Variants in HTR2C observed in about 807,000 individuals in gnomAD.
HTR2C encodes the protein 5-hydroxytryptamine receptor 2C.
In HTR2C, 5 loss-of-function variants were observed where a neutral mutation model predicts 21.0. That is an observed-to-expected ratio of 0.24 (90% confidence interval 0.12 to 0.50). The LOEUF is 0.50. HTR2C is among the 20% of genes least tolerant of loss of function. The pLI is 0.98. For synonymous variants in HTR2C, 150 were observed against 145.3 expected, an observed-to-expected ratio of 1.03 and a Z score of -0.23; for missense variants, 271 against 371.2, an observed-to-expected ratio of 0.73 and a Z score of 2.22.
chrX:114,698,036 C>T (rs952349975), intron 2 of HTR2C, among the ~76,000 whole-genome samples: 5 of 111,766 alleles, frequency 4.5e-5, no homozygotes, highest in African/African-American at 1.3e-4. Flanking sequence ...GACTGAGGTC[C>T]CTGCTTCCTT....
intron 4 of HTR2C, among the ~76,000 whole-genome samples, chrX:114,822,317 A>G (rs944533871): frequency 8.9e-6 from 1 of 112,014 alleles, no homozygotes; most frequent in Non-Finnish European, 1.9e-5. Flanking sequence ...CAGAAAATCT[A>G]GAGTCATAAA....
chrX:114,844,325 T>A (rs2070857984), intron 4 of HTR2C, among the ~76,000 whole-genome samples: 1 of 111,353 alleles, frequency 9.0e-6, no homozygotes, highest in Admixed American at 9.5e-5. Flanking sequence ...GGAAGAAAGA[T>A]TATAATTGTA....
chrX:114,821,613 C>A (rs1196212785), intron 4 of HTR2C, among the ~76,000 whole-genome samples: 1 of 111,044 alleles, frequency 9.0e-6, no homozygotes, highest in African/African-American at 3.3e-5. Context: ...ATTACTTGGC[C>A]ATGAATAAGC....
At chrX:114,901,922 G>A (rs1171405795) in intron 5 of HTR2C, among the ~76,000 whole-genome samples, 3 of 111,020 alleles carry the variant, frequency 2.7e-5, no homozygotes, top group African/African-American at 9.8e-5. Flanking sequence ...GAAATATGTG[G>A]CTTAGTGCAT....
At chrX:114,606,428 C>T (rs182581407) in intron 1 of HTR2C, among the ~76,000 whole-genome samples, 21 of 111,727 alleles carry the variant, frequency 1.9e-4, no homozygotes, top group African/African-American at 2.3e-4. Context: ...ATCAGAGAGG[C>T]GTCCCTGCAA....
At chrX:114,831,755 A>G (rs376018108) in intron 4 of HTR2C, among the ~76,000 whole-genome samples, 3 of 104,747 alleles carry the variant, frequency 2.9e-5, no homozygotes, top group African/African-American at 1.0e-4. Flanking sequence ...TTGATGTTTT[A>G]GACATGAAGT....
At chrX:114,874,805 G>A (rs782227936) in intron 5 of HTR2C, among the ~76,000 whole-genome samples, 14 of 110,918 alleles carry the variant, frequency 1.3e-4, no homozygotes, top group Non-Finnish European at 2.5e-4. Context: ...CACCGCACCC[G>A]GCCTCATTAT....
At chrX:114,892,083 T>C (rs2071262853) in intron 5 of HTR2C, among the ~76,000 whole-genome samples, 1 of 111,792 alleles carries the variant, frequency 8.9e-6, no homozygotes, top group Admixed American at 9.5e-5. Context: ...ATTCCTAATA[T>C]ATTACTGAGG....
intron 2 of HTR2C, among the ~76,000 whole-genome samples, chrX:114,717,287 G>T (rs1556419930): frequency 9.0e-6 from 1 of 111,313 alleles, no homozygotes; most frequent in African/African-American, 3.3e-5. Context: ...TGTCCAGGCT[G>T]GTCTTGAACT....
intron 4 of HTR2C, among the ~76,000 whole-genome samples, chrX:114,767,598 A>C (rs1400897384): frequency 9.1e-6 from 1 of 109,479 alleles, no homozygotes; most frequent in Non-Finnish European, 1.9e-5. Context: ...ACAAAGGACA[A>C]AGCTGAATAT....
chrX:114,761,740 A>T (rs2069868436), intron 4 of HTR2C, among the ~76,000 whole-genome samples: 1 of 108,565 alleles, frequency 9.2e-6, no homozygotes, highest in African/African-American at 3.3e-5. Context: ...AAAACTCCAA[A>T]GTCCTTGTTT....
At chrX:114,748,796 A>G (rs1389168263) in intron 4 of HTR2C, among the ~76,000 whole-genome samples, 1 of 112,010 alleles carries the variant, frequency 8.9e-6, no homozygotes, top group Non-Finnish European at 1.9e-5. Flanking sequence ...AGAAAACAGA[A>G]GAAAATCTTT....
In HTR2C at chrX:114,694,492, T is replaced by TACACACAC. The variant is rs1342052056; in HGVS notation, c.-79-32364_-79-32357dup. On this transcript the variant is annotated intron_variant, in intron 2 of 5. Coordinates refer to ENST00000276198, the MANE Select transcript of HTR2C (RefSeq NM_000868.4). Reference sequence around the variant, plus strand: ...ATATATATATATATATATATATATATACACACACAGATTTAGACAGAGTCT... The same window carrying TACACACAC: ...ATATATATATATATATATATATATATACACACACACACACACAGATTTAGACAGAGTCT... Among the ~76,000 whole-genome samples the TACACACAC allele has an allele frequency of 7.8e-3, 131 of 16,877 alleles. 10 individuals are homozygous for TACACACAC. The highest frequency in any genetic ancestry group is 0.021 in the African/African-American group (124 of 6,045). 14.7% of individuals were successfully genotyped at this position (16,877 alleles called of 115,157 possible).
chrX:114,622,732 A>G (rs1475673783), intron 2 of HTR2C, among the ~76,000 whole-genome samples: 1 of 112,124 alleles, frequency 8.9e-6, no homozygotes, highest in African/African-American at 3.2e-5. Context: ...CTGCCAGTAG[A>G]TGTGGCTTAC....
At chrX:114,736,794 A>G (rs782595803) in intron 4 of HTR2C, among the ~76,000 whole-genome samples, 1 of 112,235 alleles carries the variant, frequency 8.9e-6, no homozygotes, top group South Asian at 3.7e-4. Context: ...ATTTTATAAA[A>G]AGTTCTTTTT....
intron 2 of HTR2C, among the ~76,000 whole-genome samples, chrX:114,680,139 AG>A (rs1175916433): frequency 8.9e-6 from 1 of 112,318 alleles, no homozygotes; most frequent in Non-Finnish European, 1.9e-5. Context: ...GTTAATTACC[AG>A]GTCCTAAAGC....
chrX:114,756,196 A>G lies in HTR2C; in HGVS notation c.349+24589A>G, dbSNP rs781843494. Among the ~76,000 whole-genome samples, 5 of 111,888 alleles carry G rather than the reference A, an allele frequency of 4.5e-5. No individual in the cohort carries two copies. The South Asian group carries it at 1.9e-3, about 42-fold the overall frequency. ...ATGGCTAGAATAAAAAATAGTGACA[A>G]AACTAAATGCCAAGGATGTGGAGAA... is the stretch of plus-strand genomic sequence containing the variant. On this transcript the variant is annotated intron_variant, in intron 4 of 5. Transcript: ENST00000276198.
chrX:114,695,853 A>G (rs1203796759), intron 2 of HTR2C, among the ~76,000 whole-genome samples: 1 of 111,836 alleles, frequency 8.9e-6, no homozygotes, highest in African/African-American at 3.2e-5. Context: ...TTTATCCTGC[A>G]CATTGCAAAT....
intron 4 of HTR2C, among the ~76,000 whole-genome samples, chrX:114,845,989 G>A (rs1367850226): frequency 9.1e-6 from 1 of 110,234 alleles, no homozygotes; most frequent in Admixed American, 9.7e-5. Flanking sequence ...AACTAGCCCA[G>A]ACAACAGAGC....
Sources: gnomAD v4.1 joint callset for allele counts (sites outside exome capture counted in the v4.1 genomes callset) on GRCh38, gnomAD v4.1.1 for gene constraint, MANE v1.5 for transcripts, NCBI Gene and HGNC (gene_info 2026-07-23, HGNC 2026-07-21) for gene names.